PPM1H: variants seen among roughly 807,000 people sequenced by gnomAD.
PPM1H encodes the protein protein phosphatase 1H.
Under a neutral mutation model 54.9 loss-of-function variants are expected in PPM1H, and 27 were observed. That is an observed-to-expected ratio of 0.49 (90% CI 0.36 to 0.68). The LOEUF (loss-of-function observed/expected upper bound fraction) is 0.68. Ranked by LOEUF, PPM1H falls within the 30% of genes least tolerant of loss-of-function variation. PPM1H has a pLI of 0.00. For synonymous variants in PPM1H, 305 were observed against 270.8 expected (o/e 1.13, Z -1.24); for missense variants, 596 against 667.8 (o/e 0.89, Z 1.19).
chr12:62,780,999 G>A (rs1286335159), intron 4 of PPM1H, among the ~76,000 whole-genome samples: 1 of 152,218 alleles, frequency 6.6e-6, no homozygotes. Flanking sequence ...GTGTGTAAGA[G>A]ACACGGGACG....
intron 2 of PPM1H, among the ~76,000 whole-genome samples, chr12:62,829,434 G>GT (rs367688073): frequency 5.9e-5 from 9 of 152,282 alleles, no homozygotes; most frequent in Admixed American, 2.0e-4. Flanking sequence ...GAGGGTGATG[G>GT]TTGTACAAAC....
intron 6 of PPM1H, among the ~76,000 whole-genome samples, chr12:62,711,270 G>A (rs544572143): frequency 4.6e-5 from 7 of 152,304 alleles, no homozygotes; most frequent in African/African-American, 1.7e-4. Flanking sequence ...GGGATTACAG[G>A]CGTGAGCCAC....
chr12:62,792,064 A>G (rs547460841), intron 3 of PPM1H, among the ~76,000 whole-genome samples: 1 of 152,386 alleles, frequency 6.6e-6, no homozygotes, highest in South Asian at 2.1e-4. Flanking sequence ...AGTCCACGTA[A>G]CAGGGCCGTC....
intron 1 of PPM1H, among the ~76,000 whole-genome samples, chr12:62,926,082 T>C (rs1194800368): frequency 6.6e-6 from 1 of 152,196 alleles, no homozygotes; most frequent in African/African-American, 2.4e-5. Context: ...GGTGGACATC[T>C]GAGACAAACT....
intron 4 of PPM1H, among the ~76,000 whole-genome samples, chr12:62,777,901 A>G (rs1037354971): frequency 6.6e-6 from 1 of 152,232 alleles, no homozygotes; most frequent in Non-Finnish European, 1.5e-5. Flanking sequence ...AATATTTGGT[A>G]TGCTGTTTAC....
intron 1 of PPM1H, among the ~76,000 whole-genome samples, chr12:62,927,050 C>G (rs1485654497): frequency 6.6e-6 from 1 of 152,174 alleles, no homozygotes. Context: ...CTTCAATAAT[C>G]AAACAGATTA....
chr12:62,907,871 A>G (rs1342158478), intron 1 of PPM1H, among the ~76,000 whole-genome samples: 1 of 152,118 alleles, frequency 6.6e-6, no homozygotes, highest in African/African-American at 2.4e-5. Flanking sequence ...TCTCCCCCTC[A>G]TGGCTGTCCT....
intron 2 of PPM1H, among the ~76,000 whole-genome samples, chr12:62,807,910 T>G (rs1393896897): frequency 6.6e-6 from 1 of 152,216 alleles, no homozygotes; most frequent in African/African-American, 2.4e-5. Context: ...CAACCACGAC[T>G]TACTGAAGCC....
chr12:62,820,186 A>T (rs1344131964), intron 2 of PPM1H, among the ~76,000 whole-genome samples: 28 of 152,234 alleles, frequency 1.8e-4, no homozygotes, highest in Non-Finnish European at 1.5e-5. Flanking sequence ...GTGAGGCAGC[A>T]GCCTAGTAGG....
rs181242526 is a variant in PPM1H, at chr12:62,664,045, G to A, written c.1397+3133C>T. On this transcript the variant is annotated intron_variant, in intron 9 of 9. Coordinates refer to ENST00000228705, the MANE Select transcript of PPM1H (RefSeq NM_020700.2). ...TACATTTATGCGAAGAATATAGACC[G>A]AACTAGCCAAGTAACACAAGTCAGC... 3.8e-4 allele frequency among the ~76,000 whole-genome samples: 57 copies of A among 150,918 alleles called. No homozygotes were observed. The East Asian group carries it at 5.1e-3, about 13-fold the overall frequency.
chr12:62,921,296 G>C lies in PPM1H; in HGVS notation c.245+13196C>G, dbSNP rs147252585. On this transcript the variant is annotated intron_variant, in intron 1 of 9. Coordinates refer to ENST00000228705, the MANE Select transcript of PPM1H (RefSeq NM_020700.2). ...TTCCTTCCTATACTTATACAAAAAA[G>C]ATCACAGGGTAAAGATGCACCATTT... 8.6e-4 allele frequency among the ~76,000 whole-genome samples: 131 copies of C among 152,110 alleles called. 3 individuals are homozygous for C. The South Asian group carries it at 0.012, about 14-fold the overall frequency.
At chr12:62,658,182 A>AT (rs1173229360) in intron 9 of PPM1H, among the ~76,000 whole-genome samples, 14,134 of 86,920 alleles carry the variant, frequency 0.16, 1,761 homozygotes, top group Non-Finnish European at 0.22. Flanking sequence ...AACACGGTGA[A>AT]TTTTTTTTTT....
intron 1 of PPM1H, among the ~76,000 whole-genome samples, chr12:62,860,161 G>C (rs1224628351): frequency 6.6e-6 from 1 of 152,168 alleles, no homozygotes; most frequent in Non-Finnish European, 1.5e-5. Flanking sequence ...TTCTTCACAT[G>C]GTGGTGGGAA....
chr12:62,667,701 T>C (rs755965516), intron 8 of PPM1H, among the ~76,000 whole-genome samples: 6 of 152,218 alleles, frequency 3.9e-5, no homozygotes, highest in African/African-American at 7.2e-5. Context: ...TGCGTATTCA[T>C]TCAGCAAACA....
intron 5 of PPM1H, among the ~76,000 whole-genome samples, chr12:62,732,665 G>A (rs58319688): frequency 0.096 from 14,423 of 149,982 alleles, 937 homozygotes; most frequent in East Asian, 0.2. Flanking sequence ...TCTGCCTCCC[G>A]GGTTCACGCC....
chr12:62,673,638 G>C (rs1262627828), intron 8 of PPM1H, among the ~76,000 whole-genome samples: 1 of 149,670 alleles, frequency 6.7e-6, no homozygotes, highest in Non-Finnish European at 1.5e-5. Flanking sequence ...GGAAGAGAAA[G>C]AGGCTTGCCC....
chr12:62,697,184 T>C (rs535500048), intron 6 of PPM1H, among the ~76,000 whole-genome samples: 3 of 151,452 alleles, frequency 2.0e-5, no homozygotes, highest in African/African-American at 7.3e-5. Flanking sequence ...TGGAGTACAA[T>C]GGTGCGATCT....
intron 3 of PPM1H, among the ~76,000 whole-genome samples, chr12:62,795,534 C>T (rs564376655): frequency 6.6e-6 from 1 of 152,160 alleles, no homozygotes; most frequent in South Asian, 2.1e-4. Flanking sequence ...GTAAGCTCCG[C>T]CTCCCGGGTT....
At chr12:62,926,597 G>C (rs976757338) in intron 1 of PPM1H, among the ~76,000 whole-genome samples, 2 of 152,056 alleles carry the variant, frequency 1.3e-5, no homozygotes, top group African/African-American at 2.4e-5. Flanking sequence ...AATATAAAGA[G>C]CTCTTATAAA....
Sources: gnomAD v4.1 joint callset for allele counts (sites outside exome capture counted in the v4.1 genomes callset) on GRCh38, gnomAD v4.1.1 for gene constraint, MANE v1.5 for transcripts, NCBI Gene and HGNC (gene_info 2026-07-23, HGNC 2026-07-21) for gene names.